SORCS2: variants seen among roughly 807,000 people sequenced by gnomAD.
SORCS2 encodes the protein sortilin related VPS10 domain containing receptor 2, also known as VPS10 domain-containing receptor SorCS2.
In SORCS2, 100 loss-of-function variants were observed where a neutral mutation model predicts 141.6. The ratio of observed to expected loss-of-function variants is 0.71; its 90% confidence interval spans 0.60 to 0.83. The LOEUF is 0.83. SORCS2 is among the 40% of genes least tolerant of loss of function. The probability of loss-of-function intolerance (pLI) is 0.00; values close to 1 mark genes in which losing one functional copy is unlikely to be tolerated. For missense variants in SORCS2, 1,646 were observed against 1,560.2 expected (o/e 1.05, Z -0.93); for synonymous variants, 789 against 676.9 (o/e 1.17, Z -2.57).
At chr4:7,411,677 C>G (rs1725319294) in intron 2 of SORCS2, among the ~76,000 whole-genome samples, 1 of 152,122 alleles carries the variant, frequency 6.6e-6, no homozygotes, top group Non-Finnish European at 1.5e-5. Flanking sequence ...GTGGGGTGAG[C>G]TATGATAACT....
intron 1 of SORCS2, among the ~76,000 whole-genome samples, chr4:7,238,631 C>G (rs1269043979): frequency 6.6e-6 from 1 of 152,190 alleles, no homozygotes; most frequent in African/African-American, 2.4e-5. Context: ...GGAAGCCAGG[C>G]CTGCACCCTC....
intron 1 of SORCS2, among the ~76,000 whole-genome samples, chr4:7,394,513 T>C (rs1577494551): frequency 9.3e-6 from 1 of 108,096 alleles, no homozygotes. Context: ...ACCGAGGAAA[T>C]AGGGCTGGGG....
intron 10 of SORCS2, among the ~76,000 whole-genome samples, chr4:7,683,347 C>A (rs9997576): frequency 3.8e-5 from 2 of 52,628 alleles, no homozygotes; most frequent in Non-Finnish European, 7.6e-5. Flanking sequence ...CTCCGCTGAG[C>A]GGCTCTGCTG....
intron 1 of SORCS2, among the ~76,000 whole-genome samples, chr4:7,195,171 GGT>G (rs59264911): frequency 9.1e-4 from 130 of 142,416 alleles, no homozygotes; most frequent in African/African-American, 1.6e-3. Flanking sequence ...ACTGCTGGCA[GGT>G]GTGTGTGTGT....
rs147085508 is a variant in SORCS2 at position 7,680,749 on chromosome 4, A to C, written c.1342-1994A>C. Among the ~76,000 whole-genome samples, 75 of 152,326 alleles carry C rather than the reference A, an allele frequency of 4.9e-4. 2 individuals carry two copies. The highest frequency in any genetic ancestry group is 1.7e-3 in the African/African-American group (72 of 41,570). ...CTGACTCTGTCTGCCTGTGTTGATA[A>C]GACCTGGTGGGTCCCAAGGAAAAGA... is the stretch of plus-strand genomic sequence containing the variant. On this transcript the variant is annotated intron_variant, in intron 9 of 26. Transcript: ENST00000507866.
At chr4:7,210,962 G>A (rs908139446) in intron 1 of SORCS2, among the ~76,000 whole-genome samples, 2 of 152,208 alleles carry the variant, frequency 1.3e-5, no homozygotes, top group African/African-American at 4.8e-5. Context: ...TCTGGGAGTG[G>A]AACGGTGACC....
intron 5 of SORCS2, among the ~76,000 whole-genome samples, chr4:7,655,887 C>T (rs1266223108): frequency 6.6e-6 from 1 of 152,222 alleles, no homozygotes; most frequent in African/African-American, 2.4e-5. Flanking sequence ...GAAACCGACC[C>T]ACAGCGCCCA....
chr4:7,540,409 C>T (rs759636014), intron 3 of SORCS2, among the ~76,000 whole-genome samples: 1 of 152,134 alleles, frequency 6.6e-6, no homozygotes, highest in Middle Eastern at 3.2e-3. Flanking sequence ...GAGTCATGTA[C>T]TATGTCCAGC....
At chr4:7,268,185 T>C (rs1306129052) in intron 1 of SORCS2, among the ~76,000 whole-genome samples, 2 of 152,158 alleles carry the variant, frequency 1.3e-5, no homozygotes, top group African/African-American at 4.8e-5. Context: ...GCTGAATTCA[T>C]TGCATCTGTG....
intron 2 of SORCS2, among the ~76,000 whole-genome samples, chr4:7,472,129 G>A (rs959686279): frequency 2.0e-5 from 3 of 152,236 alleles, no homozygotes; most frequent in African/African-American, 7.2e-5. Context: ...GCTCTGTGCT[G>A]TTAGCTCGTG....
intron 1 of SORCS2, among the ~76,000 whole-genome samples, chr4:7,324,544 C>T (rs1057276739): frequency 6.6e-5 from 10 of 152,204 alleles, no homozygotes; most frequent in Admixed American, 1.3e-4. Flanking sequence ...TCACCCCTGC[C>T]GTGCTCACTC....
At chr4:7,633,202 C>G (rs1204645855) in intron 3 of SORCS2, among the ~76,000 whole-genome samples, 1 of 152,118 alleles carries the variant, frequency 6.6e-6, no homozygotes, top group Non-Finnish European at 1.5e-5. Flanking sequence ...CCAGAGGGAA[C>G]AGTACACACA....
At position 7,554,832 on chromosome 4, in the gene SORCS2, C is replaced by T. The variant is rs557376225; in HGVS notation, c.648+23203C>T. Among the ~76,000 whole-genome samples the T allele has an allele frequency of 4.6e-5, 7 of 152,228 alleles. No homozygotes were observed. In the East Asian group the frequency reaches 9.7e-4, roughly 21 times the overall value. On this transcript the variant is annotated intron_variant, in intron 3 of 26. Coordinates refer to ENST00000507866, the MANE Select transcript of SORCS2 (RefSeq NM_020777.3). ...GCAGGAAGGGGTGCACACAGGACCC[C>T]GTGAGAAACATGCTGGCTCCAAATG...
intron 1 of SORCS2, among the ~76,000 whole-genome samples, chr4:7,288,794 G>A (rs1050319317): frequency 1.6e-5 from 2 of 127,358 alleles, no homozygotes; most frequent in Non-Finnish European, 3.5e-5. Flanking sequence ...TGTGGGGTGG[G>A]GGGGGGAGTT....
chr4:7,247,077 T>C (rs1315030488), intron 1 of SORCS2, among the ~76,000 whole-genome samples: 4 of 152,060 alleles, frequency 2.6e-5, no homozygotes, highest in African/African-American at 9.7e-5. Flanking sequence ...AGATGTTTGG[T>C]GAGGGGAGCA....
intron 2 of SORCS2, among the ~76,000 whole-genome samples, chr4:7,521,539 A>G (rs1356914065): frequency 6.6e-6 from 1 of 152,032 alleles, no homozygotes; most frequent in African/African-American, 2.4e-5. Flanking sequence ...AAGTCTGGGT[A>G]CCTCTTCGCG....
chr4:7,334,030 C>T (rs1042403059), intron 1 of SORCS2, among the ~76,000 whole-genome samples: 1 of 152,188 alleles, frequency 6.6e-6, no homozygotes, highest in Non-Finnish European at 1.5e-5. Context: ...TGTCCAGCCT[C>T]ACAGCTTCCT....
At chr4:7,582,848 A>G (rs911512411) in intron 3 of SORCS2, among the ~76,000 whole-genome samples, 1 of 152,092 alleles carries the variant, frequency 6.6e-6, no homozygotes, top group African/African-American at 2.4e-5. Flanking sequence ...ACCTGCAAGC[A>G]GCCTGATTGG....
intron 1 of SORCS2, among the ~76,000 whole-genome samples, chr4:7,237,813 G>T (rs554387668): frequency 6.6e-6 from 1 of 151,954 alleles, no homozygotes; most frequent in East Asian, 1.9e-4. Context: ...GGGGAGTTTC[G>T]TTTTCTCCTT....
Sources: gnomAD v4.1 joint callset for allele counts (sites outside exome capture counted in the v4.1 genomes callset) on GRCh38, gnomAD v4.1.1 for gene constraint, MANE v1.5 for transcripts, NCBI Gene and HGNC (gene_info 2026-07-23, HGNC 2026-07-21) for gene names.